C9orf152: variants seen among roughly 807,000 people sequenced by gnomAD.
The protein encoded by C9orf152 is uncharacterized protein C9orf152.
A neutral mutation model predicts 8.5 loss-of-function variants in C9orf152; 8 were observed. That is an observed-to-expected ratio of 0.94 (90% CI 0.55 to 1.70). The LOEUF is 1.70. C9orf152 is among the 40% of genes most tolerant of loss of function. C9orf152 has a pLI of 0.00. For missense variants in C9orf152, 293 were observed against 286.2 expected, an observed-to-expected ratio of 1.02 and a Z score of -0.17; for synonymous variants, 109 against 113.0, an observed-to-expected ratio of 0.96 and a Z score of 0.22.
rs575706795 is a variant in C9orf152, at chr9:110,201,257, T to G, written c.411A>C (p.Gln137His). 1.2e-6 allele frequency: 2 copies of G among 1,614,110 alleles called. No individual in the cohort carries two copies. The highest frequency in any genetic ancestry group is 1.3e-5 in the African/African-American group (1 of 75,014). The stretch of plus-strand genomic sequence containing the variant: ...CCACAAGCTTGCCCCTATGATGTAC[T>G]TGATGACTGGTGTCCTGGGGGGAGG... Reference protein sequence around the residue: ...VQTSPQDTSHQVHHRGKLVGS... With the variant: ...VQTSPQDTSHHVHHRGKLVGS... The change falls in exon 2 of 2, where the codon CAA (glutamine) becomes CAC (histidine). Residue 137 changes from glutamine (Q) to histidine (H), a missense_variant. Transcript: ENST00000400613.
At chr9:110,202,995 T>A (rs1977541) in intron 1 of C9orf152, among the ~76,000 whole-genome samples, 10,970 of 149,812 alleles carry the variant, frequency 0.073, 1,368 homozygotes, top group East Asian at 0.53. Context: ...TTTTCCAGCA[T>A]GAAATGAAGA....
At position 110,201,282 on chromosome 9, in the gene C9orf152, G is replaced by T; in HGVS notation, c.386C>A (p.Thr129Asn). 1 of 1,614,056 alleles carries T rather than the reference G, an allele frequency of 6.2e-7. No homozygotes were observed. Among genetic ancestry groups the T allele is most frequent in the African/African-American group, 1.3e-5 (1 of 75,000 alleles). The change falls in exon 2 of 2, where the codon ACC (threonine) becomes AAC (asparagine). Residue 129 changes from threonine (T) to asparagine (N), a missense_variant. Thr to Asn is a moderately conservative substitution (Grantham distance 65). Transcript: ENST00000400613. ...TTGATGACTGGTGTCCTGGGGGGAG[G>T]TTTGGACCAAACAATGCATCTCCAG... ...THLEMHCLVQ[T>N]SPQDTSHQVH...
intron 1 of C9orf152, among the ~76,000 whole-genome samples, chr9:110,206,711 C>T (rs900368351): frequency 6.6e-6 from 1 of 152,216 alleles, no homozygotes; most frequent in Non-Finnish European, 1.5e-5. Flanking sequence ...CACAGAATCC[C>T]ACAGAGCCCA....
At chr9:110,204,098 G>A (rs1179896821) in intron 1 of C9orf152, among the ~76,000 whole-genome samples, 1 of 152,186 alleles carries the variant, frequency 6.6e-6, no homozygotes, top group African/African-American at 2.4e-5. Context: ...AATGTTCAAT[G>A]AAATGTAATA....
intron 1 of C9orf152, among the ~76,000 whole-genome samples, chr9:110,202,917 G>A (rs1360897285): frequency 6.6e-6 from 1 of 151,664 alleles, no homozygotes; most frequent in Non-Finnish European, 1.5e-5. Context: ...TTACTCTCCT[G>A]TCAACACTAA....
Position 110,207,919 on chromosome 9 carries a change from A to G in C9orf152, c.-340T>C, listed in dbSNP as rs1587907216. The stretch of plus-strand genomic sequence containing the variant: ...GGATTAATGGGGCGAGAGAAGAAAG[A>G]GAGGGAGGAAGATGGAGACAGGCAG... On this transcript the variant is annotated 5_prime_UTR_variant, in exon 1 of 2. Coordinates refer to ENST00000400613, the MANE Select transcript of C9orf152 (RefSeq NM_001012993.3). 2 of 226,914 alleles carry G rather than the reference A, an allele frequency of 8.8e-6. No individual in the cohort carries two copies. The highest frequency in any genetic ancestry group is 9.9e-5 in the South Asian group (1 of 10,084). 14.1% of individuals were successfully genotyped at this position (226,914 alleles called of 1,614,324 possible).
At position 110,202,771 on chromosome 9, in the gene C9orf152, G is replaced by T. The variant is rs541950590; in HGVS notation, c.194-1297C>A. Among the ~76,000 whole-genome samples, 14 of 152,206 alleles carry T rather than the reference G, an allele frequency of 9.2e-5. No homozygotes were observed. In the South Asian group the frequency reaches 2.9e-3, roughly 32 times the overall value. On this transcript the variant is annotated intron_variant, in intron 1 of 1. Transcript: ENST00000400613. ...TGTTCCGGCACCTGTTATCACAGGA[G>T]GCCCTGGAGGTGACAATGTGCAGAG...
In C9orf152 at chr9:110,207,634, A is replaced by G; in HGVS notation, c.-55T>C. ...GGGTGGGGCAGGACCTGGGGAGGGG[A>G]GAGAGAGGGAGGGGGCAGTGAGGGA... is the stretch of plus-strand genomic sequence containing the variant. On this transcript the variant is annotated 5_prime_UTR_variant, in exon 1 of 2. Coordinates refer to ENST00000400613, the MANE Select transcript of C9orf152 (RefSeq NM_001012993.3). 1 of 1,341,786 alleles carries G rather than the reference A, an allele frequency of 7.5e-7. No homozygotes were observed. The allele number at this position is 1,341,786 out of a possible 1,614,324, so 83.1% of individuals were successfully genotyped here.
chr9:110,206,536 C>T (rs141414253), intron 1 of C9orf152, among the ~76,000 whole-genome samples: 1 of 152,300 alleles, frequency 6.6e-6, no homozygotes, highest in African/African-American at 2.4e-5. Context: ...TGGCAACAGC[C>T]CAGGTAATGG....
chr9:110,201,326 C>G lies in C9orf152; in HGVS notation c.342G>C (p.Lys114Asn), dbSNP rs776642989. 1.9e-6 allele frequency: 3 copies of G among 1,612,646 alleles called. No individual in the cohort carries two copies. In the Admixed American group the frequency reaches 5.0e-5, roughly 27 times the overall value. Residue 114 changes from lysine to asparagine, a missense_variant, in exon 2 of 2, where the codon AAG becomes AAC. By Grantham distance (94) the Lys-to-Asn change is moderately conservative. Coordinates refer to ENST00000400613, the MANE Select transcript of C9orf152 (RefSeq NM_001012993.3). ...EAAQGCLQAP[K>N]SPWHTHLEMH... is the part of the protein sequence containing the mutation. ...TCTCCAGGTGCGTGTGCCATGGAGA[C>G]TTGGGGGCCTGAAGGCAGCCCTGGG...
At position 110,200,178 on chromosome 9, in the gene C9orf152, A is replaced by AGAAGGGAG. The variant is rs1340415138; in HGVS notation, c.*762_*769dup. On this transcript the variant is annotated 3_prime_UTR_variant, in exon 2 of 2. Transcript: ENST00000400613. The stretch of plus-strand genomic sequence containing the variant: ...AGGAAGAGAGGAAAGAAAGAAGGAA[A>AGAAGGGAG]GAAGGGAGGAAGGGAGGGAGGGAGG... 9.1e-5 allele frequency: 8 copies of AGAAGGGAG among 87,450 alleles called. No individual in the cohort carries two copies. The highest frequency in any genetic ancestry group is 1.6e-4 in the Non-Finnish European group (6 of 36,592). 5.4% of individuals were successfully genotyped at this position (87,450 alleles called of 1,614,324 possible).
intron 1 of C9orf152, among the ~76,000 whole-genome samples, chr9:110,206,394 T>C (rs529794665): frequency 3.7e-4 from 56 of 152,356 alleles, no homozygotes; most frequent in African/African-American, 1.3e-3. Flanking sequence ...AAATGTTTGT[T>C]GAATAACTGA....
At chr9:110,203,100 C>T (rs1170877969) in intron 1 of C9orf152, among the ~76,000 whole-genome samples, 1 of 151,078 alleles carries the variant, frequency 6.6e-6, no homozygotes, top group Non-Finnish European at 1.5e-5. Flanking sequence ...CTGCAACCTC[C>T]GCCCTCTGCA....
Position 110,201,045 on chromosome 9 carries a change from T to C in C9orf152, c.623A>G (p.His208Arg), listed in dbSNP as rs1837211021. 5.0e-6 allele frequency: 8 copies of C among 1,614,090 alleles called. No individual in the cohort carries two copies. The South Asian group carries it at 6.6e-5, about 13-fold the overall frequency. Residue 208 changes from histidine to arginine, a missense_variant, in exon 2 of 2, where the codon CAC (histidine) becomes CGC (arginine). Physicochemically the swap from His to Arg is conservative, Grantham distance 29. Transcript: ENST00000400613. ...ATAGTAAGCTGGTTTGCCAGACCTG[T>C]GTGGGTTCTTTATGGAAAGAGGACA... ...TQCPLSIKNP[H>R]RSGKPAYYPF...
intron 1 of C9orf152, among the ~76,000 whole-genome samples, chr9:110,206,270 G>T (rs919686198): frequency 6.6e-6 from 1 of 152,014 alleles, no homozygotes. Context: ...TTCTCTGGGG[G>T]CATGTTGAAT....
rs1837210079 is a variant in C9orf152 at position 110,201,006 on chromosome 9, C to CCATA, written c.661_662insTATG (p.Arg221IlefsTer39). ...AGCTTGGGAGATCCTGGGTGTTTTC[C>CCATA]TCTGGGGAAATGGATAGTAAGCTGG... On this transcript the variant is annotated frameshift_variant, in exon 2 of 2. Coordinates refer to ENST00000400613, the MANE Select transcript of C9orf152 (RefSeq NM_001012993.3). LOFTEE classifies it high-confidence loss of function. 1 of 1,614,118 alleles carries CCATA rather than the reference C, an allele frequency of 6.2e-7. No homozygotes were observed. Among genetic ancestry groups the CCATA allele is most frequent in the East Asian group, 2.2e-5 (1 of 44,890 alleles).
At position 110,201,226 on chromosome 9, in the gene C9orf152, C is replaced by G; in HGVS notation, c.442G>C (p.Asp148His). The G allele has an allele frequency of 6.2e-7, 1 of 1,614,112 alleles. No homozygotes were observed. Among genetic ancestry groups the G allele is most frequent in the Non-Finnish European group, 8.5e-7 (1 of 1,180,026 alleles). Residue 148 changes from aspartate (D) to histidine (H), a missense_variant, in exon 2 of 2, where the codon GAT becomes CAT. Asp to His is a moderately conservative substitution (Grantham distance 81, BLOSUM62 -1). Transcript: ENST00000400613. The stretch of plus-strand genomic sequence containing the variant: ...TCTCCTTCAGGAGGGAGCCTTTGAT[C>G]AGATCCCACAAGCTTGCCCCTATGA... ...VHHRGKLVGS[D>H]QRLPPEGDTH...
At position 110,201,855 on chromosome 9, in the gene C9orf152, G is replaced by A. The variant is rs147779027; in HGVS notation, c.194-381C>T. ...TTGCATATTTATAATAAAATTTCGG[G>A]TGGCAATCAATGCAATGGAAAATCT... On this transcript the variant is annotated intron_variant, in intron 1 of 1. Transcript: ENST00000400613. Among the ~76,000 whole-genome samples, 515 of 152,254 alleles carry A rather than the reference G, an allele frequency of 3.4e-3. 4 individuals are homozygous for A. Among genetic ancestry groups the A allele is most frequent in the African/African-American group, 0.012 (487 of 41,528 alleles).
Position 110,200,733 on chromosome 9 carries a change from A to T in C9orf152, c.*215T>A. On this transcript the variant is annotated 3_prime_UTR_variant, in exon 2 of 2. Transcript: ENST00000400613. ...CTGCACTGACCAGACAGTCCTCTTC[A>T]TCCTAAACTGTGGGCAATTTGGCCT... 1 of 557,476 alleles carries T rather than the reference A, an allele frequency of 1.8e-6. No homozygotes were observed. Among genetic ancestry groups the T allele is most frequent in the Non-Finnish European group, 3.1e-6 (1 of 317,980 alleles). 34.5% of individuals were successfully genotyped at this position (557,476 alleles called of 1,614,324 possible). A position where few individuals can be genotyped will look rare whatever the true frequency, so the allele number is the denominator to read the frequency against.
Sources: gnomAD v4.1 joint callset for allele counts (sites outside exome capture counted in the v4.1 genomes callset) on GRCh38, gnomAD v4.1.1 for gene constraint, MANE v1.5 for transcripts, NCBI Gene and HGNC (gene_info 2026-07-23, HGNC 2026-07-21) for gene names.